The following CSMD1 variants were observed in gnomAD, a reference collection of about 807,000 sequenced individuals.
CSMD1 encodes the protein CUB and Sushi multiple domains 1, also known as CUB and sushi domain-containing protein 1.
A neutral mutation model predicts 417.5 loss-of-function variants in CSMD1; 213 were observed. The observed-to-expected ratio is 0.51, with a 90% CI of 0.46 to 0.57. The LOEUF is 0.57. Among genes scored for constraint, CSMD1 ranks in the 20% least tolerant of loss-of-function variants. The probability of loss-of-function intolerance (pLI) is 0.00; values close to 1 mark genes in which losing one functional copy is unlikely to be tolerated. For missense variants in CSMD1, 6,923 were observed against 4,529.7 expected (o/e 1.53, Z -15.17); for synonymous variants, 2,862 against 1,736.8 (o/e 1.65, Z -16.11).
intron 2 of CSMD1, among the ~76,000 whole-genome samples, chr8:4,610,009 G>A (rs1375638164): frequency 1.3e-5 from 2 of 151,420 alleles, no homozygotes; most frequent in Admixed American, 6.6e-5. Flanking sequence ...AATGACCATT[G>A]CTTTGTGTCA....
rs147820870 is a variant in CSMD1, at chr8:3,443,776, G to C, written c.1561+24936C>G. 7.6e-3 allele frequency among the ~76,000 whole-genome samples: 1,150 copies of C among 152,280 alleles called. 14 individuals carry two copies. Among genetic ancestry groups the C allele is most frequent in the African/African-American group, 0.026 (1,090 of 41,562 alleles). ...AAAGGACCTTGAAATACAGTAATTT[G>C]ATTGGGAGACATGAAGTGTAAACAT... On this transcript the variant is annotated intron_variant, in intron 12 of 69. Transcript: ENST00000635120.
intron 3 of CSMD1, among the ~76,000 whole-genome samples, chr8:4,144,232 A>C (rs939980997): frequency 1.3e-5 from 2 of 150,914 alleles, no homozygotes; most frequent in African/African-American, 2.5e-5. Context: ...GATTCAGCAC[A>C]AACTGGCCGT....
intron 3 of CSMD1, among the ~76,000 whole-genome samples, chr8:4,215,169 A>AT (rs1301436110): frequency 6.6e-6 from 1 of 152,178 alleles, no homozygotes; most frequent in Non-Finnish European, 1.5e-5. Flanking sequence ...ACAGGGGCTG[A>AT]TAGGGACCTT....
chr8:3,814,672 A>C lies in CSMD1; in HGVS notation c.819-60630T>G, dbSNP rs181316127. Among the ~76,000 whole-genome samples, 48 of 152,310 alleles carry C rather than the reference A, an allele frequency of 3.2e-4. 1 individual carries two copies. In the East Asian group the frequency reaches 9.1e-3, roughly 29 times the overall value. On this transcript the variant is annotated intron_variant, in intron 5 of 69. Coordinates refer to ENST00000635120, the MANE Select transcript of CSMD1 (RefSeq NM_033225.6). ...CCAACCTCAAATGTGAATAGTGCTG[A>C]GATGGAGACATTAGCTTAGCCCTCT...
At chr8:4,333,962 G>A (rs1300072094) in intron 3 of CSMD1, among the ~76,000 whole-genome samples, 1 of 151,954 alleles carries the variant, frequency 6.6e-6, no homozygotes, top group African/African-American at 2.4e-5. Flanking sequence ...CACCATCACG[G>A]CTCACTGCAG....
chr8:4,097,084 A>G (rs911202705), intron 3 of CSMD1, among the ~76,000 whole-genome samples: 1 of 152,152 alleles, frequency 6.6e-6, no homozygotes, highest in African/African-American at 2.4e-5. Context: ...ATTATGTACT[A>G]CAAAAAGAAG....
intron 10 of CSMD1, among the ~76,000 whole-genome samples, chr8:3,547,149 C>A (rs1193077071): frequency 1.3e-5 from 2 of 152,170 alleles, no homozygotes; most frequent in Non-Finnish European, 2.9e-5. Context: ...CCTGGACAAG[C>A]TCTGGGCTTG....
intron 1 of CSMD1, among the ~76,000 whole-genome samples, chr8:4,891,721 T>G (rs1262862828): frequency 1.3e-5 from 2 of 152,120 alleles, no homozygotes; most frequent in Non-Finnish European, 2.9e-5. Flanking sequence ...TAAAGAGTTT[T>G]CAAATAAAAT....
intron 3 of CSMD1, among the ~76,000 whole-genome samples, chr8:4,063,602 G>A (rs1228286869): frequency 2.6e-5 from 4 of 152,144 alleles, no homozygotes; most frequent in African/African-American, 4.8e-5. Flanking sequence ...AAGGTGCCAC[G>A]TACGTTTCCA....
intron 3 of CSMD1, among the ~76,000 whole-genome samples, chr8:4,268,117 T>G (rs1700080): frequency 1.3e-5 from 2 of 152,146 alleles, no homozygotes; most frequent in African/African-American, 4.8e-5. Context: ...TCCAAGAATA[T>G]TGACACTGTT....
intron 3 of CSMD1, among the ~76,000 whole-genome samples, chr8:4,235,364 T>TG (rs1214216120): frequency 6.6e-6 from 1 of 151,982 alleles, no homozygotes; most frequent in East Asian, 1.9e-4. Flanking sequence ...TGTTTTGTTT[T>TG]TTTTTTGTTT....
chr8:3,729,859 C>G (rs1802719845), intron 6 of CSMD1, among the ~76,000 whole-genome samples: 1 of 140,738 alleles, frequency 7.1e-6, no homozygotes, highest in African/African-American at 2.8e-5. Flanking sequence ...TGTATTGAAG[C>G]ACGTATCAAA....
At chr8:4,208,990 G>C (rs1257963348) in intron 3 of CSMD1, among the ~76,000 whole-genome samples, 3 of 152,170 alleles carry the variant, frequency 2.0e-5, no homozygotes, top group African/African-American at 4.8e-5. Context: ...AGTGAAAGCT[G>C]CTTTCTGCTT....
intron 1 of CSMD1, among the ~76,000 whole-genome samples, chr8:4,740,589 G>T (rs896426859): frequency 1.3e-5 from 2 of 152,142 alleles, no homozygotes; most frequent in Non-Finnish European, 2.9e-5. Flanking sequence ...CTCAGATAGC[G>T]TAACAAGCAC....
At chr8:4,650,269 C>T (rs900745985) in intron 1 of CSMD1, among the ~76,000 whole-genome samples, 3 of 145,656 alleles carry the variant, frequency 2.1e-5, no homozygotes, top group Admixed American at 7.0e-5. Flanking sequence ...GGCGTGAACC[C>T]GGGAGGCGGA....
intron 25 of CSMD1, among the ~76,000 whole-genome samples, chr8:3,303,828 G>C (rs139667923): frequency 3.3e-5 from 5 of 152,160 alleles, no homozygotes; most frequent in Non-Finnish European, 7.3e-5. Flanking sequence ...ACAATGTCTT[G>C]TGATTAGACT....
chr8:3,024,198 G>C (rs7824683), intron 51 of CSMD1, among the ~76,000 whole-genome samples: 7,484 of 150,952 alleles, frequency 0.05, 189 homozygotes, highest in East Asian at 0.071. Flanking sequence ...TTTAAGCATA[G>C]AATGAAATAA....
intron 3 of CSMD1, among the ~76,000 whole-genome samples, chr8:4,169,490 C>G (rs1372521597): frequency 6.6e-6 from 1 of 152,194 alleles, no homozygotes; most frequent in Non-Finnish European, 1.5e-5. Context: ...CTGACCACCT[C>G]TACTGCGGCC....
At chr8:4,134,825 C>T (rs111840104) in intron 3 of CSMD1, among the ~76,000 whole-genome samples, 1 of 152,268 alleles carries the variant, frequency 6.6e-6, no homozygotes, top group Non-Finnish European at 1.5e-5. Flanking sequence ...TTGTCCTTGG[C>T]CTTGGCTGTT....
Sources: gnomAD v4.1 joint callset for allele counts (sites outside exome capture counted in the v4.1 genomes callset) on GRCh38, gnomAD v4.1.1 for gene constraint, MANE v1.5 for transcripts, NCBI Gene and HGNC (gene_info 2026-07-23, HGNC 2026-07-21) for gene names.